ST3GAL4: variants seen among roughly 807,000 people sequenced by gnomAD.
ST3GAL4 encodes the protein CMP-N-acetylneuraminate-beta-galactosamide-alpha-2,3-sialyltransferase 4.
Under a neutral mutation model 42.6 loss-of-function variants are expected in ST3GAL4, and 24 were observed. That is an observed-to-expected ratio of 0.56 (90% confidence interval 0.41 to 0.79). The LOEUF (loss-of-function observed/expected upper bound fraction) is 0.79. ST3GAL4 is among the 30% of genes least tolerant of loss of function. The pLI is 0.00. For missense variants in ST3GAL4, 311 were observed against 430.8 expected, an observed-to-expected ratio of 0.72 and a Z score of 2.46; for synonymous variants, 135 against 163.2, an observed-to-expected ratio of 0.83 and a Z score of 1.32.
chr11:126,410,357 GC>G lies in ST3GAL4; in HGVS notation c.771+950del, dbSNP rs1954466101. Among the ~76,000 whole-genome samples the G allele has an allele frequency of 6.6e-6, 1 of 152,208 alleles. No homozygotes were observed. Among genetic ancestry groups the G allele is most frequent in the East Asian group, 1.9e-4 (1 of 5,196 alleles). The stretch of plus-strand genomic sequence containing the variant: ...CAAGTACTTCCACCCATATCTTGGA[GC>G]CCCTCGGGGAGGCCGTGTGGGATGG... On this transcript the variant is annotated intron_variant, in intron 9 of 10. Coordinates refer to ENST00000444328, the MANE Select transcript of ST3GAL4 (RefSeq NM_001254757.2). This position sits in a 1 kb window ranked among gnomAD's most constrained non-coding sequence, Gnocchi z 5.3.
At position 126,400,303 on chromosome 11, in the gene ST3GAL4, A is replaced by G. The variant is rs1321850581; in HGVS notation, c.-60-5793A>G. ...CAAGAGGGGACCTAACTGGCCTTTT[A>G]TAAGGAACCCAGTTCCACAGTAATG... On this transcript the variant is annotated intron_variant, in intron 1 of 10. Coordinates refer to ENST00000444328, the MANE Select transcript of ST3GAL4 (RefSeq NM_001254757.2). This position sits in a 1 kb window ranked among gnomAD's most constrained non-coding sequence, Gnocchi z 4.6. 6.6e-6 allele frequency among the ~76,000 whole-genome samples: 1 copy of G among 152,188 alleles called. No homozygotes were observed. The highest frequency in any genetic ancestry group is 1.5e-5 in the Non-Finnish European group (1 of 68,038).
In ST3GAL4 at chr11:126,410,812, AG is replaced by A. The variant is rs1954494750; in HGVS notation, c.771+1402del. 6.6e-6 allele frequency among the ~76,000 whole-genome samples: 1 copy of A among 152,046 alleles called. No individual in the cohort carries two copies. The highest frequency in any genetic ancestry group is 1.5e-5 in the Non-Finnish European group (1 of 68,010). ...GTGGGGTGATAAAATTCCACAATGG[AG>A]AGTTGTTCCCAATGCCGTGGAATCT... On this transcript the variant is annotated intron_variant, in intron 9 of 10. Coordinates refer to ENST00000444328, the MANE Select transcript of ST3GAL4 (RefSeq NM_001254757.2). This position sits in a 1 kb window ranked among gnomAD's most constrained non-coding sequence, Gnocchi z 5.3.
At position 126,409,205 on chromosome 11, in the gene ST3GAL4, G is replaced by A. The variant is rs1277386665; in HGVS notation, c.628-63G>A. ...CCCTCGCCTCGCTGAGGACCACTGG[G>A]TTGGATTTGAGAAACAGGGCTTCAC... On this transcript the variant is annotated intron_variant, in intron 8 of 10. Transcript: ENST00000444328. The surrounding 1 kb of genome is among the most constrained non-coding windows in gnomAD (Gnocchi z 4.9). 1.8e-5 allele frequency: 28 copies of A among 1,597,108 alleles called. No homozygotes were observed. The Middle Eastern group carries it at 1.2e-3, about 66-fold the overall frequency.
At chr11:126,403,488 T>TA (rs1954097772) in intron 1 of ST3GAL4, 1 of 976,230 alleles carries the variant, frequency 1.0e-6, no homozygotes, top group South Asian at 4.7e-5. Flanking sequence ...ACAGAGGAGG[T>TA]ACGGCGCTGA....
In ST3GAL4 at chr11:126,387,000, C is replaced by T. The variant is rs1044773229; in HGVS notation, c.-60-19096C>T. ...GCCTCACTTGCTGCCCTGGCCAGGCCGTGATTGCCCAGGGTGCATACTGTG... is the reference window on the plus strand; with the variant it reads ...GCCTCACTTGCTGCCCTGGCCAGGCTGTGATTGCCCAGGGTGCATACTGTG... On this transcript the variant is annotated intron_variant, in intron 1 of 10. Coordinates refer to ENST00000444328, the MANE Select transcript of ST3GAL4 (RefSeq NM_001254757.2). The surrounding 1 kb of genome is among the most constrained non-coding windows in gnomAD (Gnocchi z 4.7). Among the ~76,000 whole-genome samples the T allele has an allele frequency of 6.6e-6, 1 of 152,154 alleles. No homozygotes were observed. Among genetic ancestry groups the T allele is most frequent in the Admixed American group, 6.5e-5 (1 of 15,286 alleles).
chr11:126,385,317 T>G (rs1953184578), intron 1 of ST3GAL4, among the ~76,000 whole-genome samples: 1 of 151,874 alleles, frequency 6.6e-6, no homozygotes, highest in Non-Finnish European at 1.5e-5. Context: ...CACACCCGGC[T>G]AATTTTTTTT....
At chr11:126,375,734 T>A (rs1952812606) in intron 1 of ST3GAL4, among the ~76,000 whole-genome samples, 1 of 152,192 alleles carries the variant, frequency 6.6e-6, no homozygotes, top group South Asian at 2.1e-4. Flanking sequence ...GGGATTTCCT[T>A]CTGGTGTCTA....
At chr11:126,362,995 C>T (rs577112209) in intron 1 of ST3GAL4, among the ~76,000 whole-genome samples, 1 of 152,238 alleles carries the variant, frequency 6.6e-6, no homozygotes, top group Non-Finnish European at 1.5e-5. Flanking sequence ...GCCTCTCCAG[C>T]CCCTACCTTA....
At position 126,396,071 on chromosome 11, in the gene ST3GAL4, G is replaced by A. The variant is rs1483549907; in HGVS notation, c.-60-10025G>A. Among the ~76,000 whole-genome samples the A allele has an allele frequency of 6.6e-6, 1 of 151,490 alleles. No homozygotes were observed. Among genetic ancestry groups the A allele is most frequent in the South Asian group, 2.1e-4 (1 of 4,818 alleles). The stretch of plus-strand genomic sequence containing the variant: ...TGCAATTAGCGGACCGTCTGTATCC[G>A]AGTGTTGATCGGGTGGATTCTAACC... On this transcript the variant is annotated intron_variant, in intron 1 of 10. Transcript: ENST00000444328. The surrounding 1 kb of genome is among the most constrained non-coding windows in gnomAD (Gnocchi z 5.8).
rs559101645 is a variant in ST3GAL4 at position 126,366,531 on chromosome 11, C to G, written c.-61+10689C>G. Among the ~76,000 whole-genome samples, 2 of 152,158 alleles carry G rather than the reference C, an allele frequency of 1.3e-5. No homozygotes were observed. Among genetic ancestry groups the G allele is most frequent in the Admixed American group, 6.5e-5 (1 of 15,286 alleles). On this transcript the variant is annotated intron_variant, in intron 1 of 10. Coordinates refer to ENST00000444328, the MANE Select transcript of ST3GAL4 (RefSeq NM_001254757.2). The surrounding 1 kb of genome is among the most constrained non-coding windows in gnomAD (Gnocchi z 4.2). ...CTTGCTTTCCTCACCCCGCTTCCCA[C>G]GTCTTCATTGAGTCCTCATCTGGGG...
At chr11:126,401,511 G>A (rs1418362306) in intron 1 of ST3GAL4, among the ~76,000 whole-genome samples, 3 of 151,102 alleles carry the variant, frequency 2.0e-5, no homozygotes, top group South Asian at 2.1e-4. Flanking sequence ...CAGTGGGTTC[G>A]TGCCACTTCA....
chr11:126,393,313 G>A lies in ST3GAL4; in HGVS notation c.-60-12783G>A, dbSNP rs1953591399. The stretch of plus-strand genomic sequence containing the variant: ...TGCGTGGGCTGGCAAGGTATGTGAG[G>A]TGGGTAGCTGGGTGGCCCGCCCCTT... On this transcript the variant is annotated intron_variant, in intron 1 of 10. Transcript: ENST00000444328. The surrounding 1 kb of genome is among the most constrained non-coding windows in gnomAD (Gnocchi z 5.9). 6.6e-6 allele frequency: 1 copy of A among 152,294 alleles called. No homozygotes were observed. Among genetic ancestry groups the A allele is most frequent in the African/African-American group, 2.4e-5 (1 of 41,442 alleles). The allele number at this position is 152,294 out of a possible 1,614,324, so 9.4% of individuals were successfully genotyped here. A position where few individuals can be genotyped will look rare whatever the true frequency, so the allele number is the denominator to read the frequency against.
chr11:126,400,596 G>A lies in ST3GAL4; in HGVS notation c.-60-5500G>A, dbSNP rs1220592869. Among the ~76,000 whole-genome samples the A allele has an allele frequency of 1.3e-5, 2 of 152,224 alleles. No individual in the cohort carries two copies. Among genetic ancestry groups the A allele is most frequent in the African/African-American group, 2.4e-5 (1 of 41,456 alleles). On this transcript the variant is annotated intron_variant, in intron 1 of 10. Transcript: ENST00000444328. This position sits in a 1 kb window ranked among gnomAD's most constrained non-coding sequence, Gnocchi z 4.6. Reference sequence around the variant, plus strand: ...AGACTGAAGGGGCCTGGTTACCTAAGGGACCTTGGCTTCATGTAAGGAGTG... The same window carrying A: ...AGACTGAAGGGGCCTGGTTACCTAAAGGACCTTGGCTTCATGTAAGGAGTG...
At chr11:126,388,660 G>GTT (rs10599019) in intron 1 of ST3GAL4, among the ~76,000 whole-genome samples, 41 of 79,278 alleles carry the variant, frequency 5.2e-4, no homozygotes, top group African/African-American at 1.5e-3. Context: ...TAGGTTTCTT[G>GTT]TTTTTTTTTT....
At chr11:126,369,079 CAGGGT>C (rs963820235) in intron 1 of ST3GAL4, among the ~76,000 whole-genome samples, 1 of 152,136 alleles carries the variant, frequency 6.6e-6, no homozygotes, top group African/African-American at 2.4e-5. Flanking sequence ...TTTCTGTCCT[CAGGGT>C]AGGACACAAG....
rs1258774486 is a variant in ST3GAL4 at position 126,406,425 on chromosome 11, G to C, written c.17-48G>C. 3 of 1,613,576 alleles carry C rather than the reference G, an allele frequency of 1.9e-6. No homozygotes were observed. The highest frequency in any genetic ancestry group is 2.5e-6 in the Non-Finnish European group (3 of 1,179,894). On this transcript the variant is annotated intron_variant, in intron 2 of 10. Coordinates refer to ENST00000444328, the MANE Select transcript of ST3GAL4 (RefSeq NM_001254757.2). The surrounding 1 kb of genome is among the most constrained non-coding windows in gnomAD (Gnocchi z 5.4). ...GCAGGTGGGAAGGTGGACGGGGGTT[G>C]TACCTGCCTGTTGCTGCCTCTAGCT...
intron 1 of ST3GAL4, chr11:126,405,824 T>G (rs1441197756): frequency 6.2e-6 from 3 of 483,954 alleles, no homozygotes; most frequent in East Asian, 3.8e-5. Flanking sequence ...GAGGCTGGAG[T>G]AGGCCAGCCT....
Position 126,391,935 on chromosome 11 carries a change from T to TTGTGTGTGTG in ST3GAL4, c.-60-14161_-60-14160insTGTGTGTGTG, listed in dbSNP as rs1565412210. Among the ~76,000 whole-genome samples the TTGTGTGTGTG allele has an allele frequency of 8.8e-6, 1 of 114,162 alleles. No individual in the cohort carries two copies. The highest frequency in any genetic ancestry group is 3.6e-5 in the African/African-American group (1 of 27,580). 74.9% of individuals were successfully genotyped at this position (114,162 alleles called of 152,430 possible). A position where few individuals can be genotyped will look rare whatever the true frequency, so the allele number is the denominator to read the frequency against. On this transcript the variant is annotated intron_variant, in intron 1 of 10. Transcript: ENST00000444328. The surrounding 1 kb of genome is among the most constrained non-coding windows in gnomAD (Gnocchi z 5.5). The stretch of plus-strand genomic sequence containing the variant: ...GCTCAGAACACCTGTGATAACTTGG[T>TTGTGTGTGTG]CGTGTGTGTGTGTGTGTGTGTGTGT...
rs1223055828 is a variant in ST3GAL4, at chr11:126,410,856, TCTG to T, written c.771+1449_771+1451del. The stretch of plus-strand genomic sequence containing the variant: ...TGGAATCTCAGAGGAGGGGCAGACA[TCTG>T]CTGAGAGATGTCTGGGAGGCTCCCC... On this transcript the variant is annotated intron_variant, in intron 9 of 10. Transcript: ENST00000444328. This position sits in a 1 kb window ranked among gnomAD's most constrained non-coding sequence, Gnocchi z 5.3. Among the ~76,000 whole-genome samples the T allele has an allele frequency of 6.6e-6, 1 of 152,128 alleles. No homozygotes were observed.
Sources: gnomAD v4.1 joint callset for allele counts (sites outside exome capture counted in the v4.1 genomes callset) on GRCh38, gnomAD v4.1.1 for gene constraint, Gnocchi (gnomAD v3.1) non-coding constraint, MANE v1.5 for transcripts, NCBI Gene and HGNC (gene_info 2026-07-23, HGNC 2026-07-21) for gene names.